SDK1: variants seen among roughly 807,000 people sequenced by gnomAD.
SDK1 encodes protein sidekick-1.
A neutral mutation model predicts 245.5 loss-of-function variants in SDK1; 157 were observed. The observed-to-expected ratio is 0.64, with a 90% CI of 0.56 to 0.73. SDK1 has a LOEUF of 0.73. Among genes scored for constraint, SDK1 ranks in the 30% least tolerant of loss-of-function variants. The pLI, the probability that SDK1 is intolerant of heterozygous loss-of-function variation, is 0.00. For missense variants in SDK1, 3,583 were observed against 3,002.3 expected, an observed-to-expected ratio of 1.19 and a Z score of -4.52; for synonymous variants, 1,647 against 1,278.5, an observed-to-expected ratio of 1.29 and a Z score of -6.15.
intron 1 of SDK1, among the ~76,000 whole-genome samples, chr7:3,466,373 A>G (rs947481758): frequency 6.0e-5 from 9 of 150,738 alleles, no homozygotes; most frequent in African/African-American, 2.2e-4. Flanking sequence ...ACATCAAGCC[A>G]TGCTGGCTCT....
At chr7:3,958,418 C>G in intron 7 of SDK1, 2 of 189,838 alleles carry the variant, frequency 1.1e-5, no homozygotes, top group East Asian at 1.6e-4. Flanking sequence ...TGAGTGCTCC[C>G]TTATATGTTT....
At chr7:4,156,542 A>C (rs1423846730) in intron 30 of SDK1, among the ~76,000 whole-genome samples, 2 of 152,214 alleles carry the variant, frequency 1.3e-5, no homozygotes, top group Non-Finnish European at 2.9e-5. Flanking sequence ...CAGGTTCTGG[A>C]GGGCTGCAGT....
intron 4 of SDK1, among the ~76,000 whole-genome samples, chr7:3,791,541 C>T (rs755016847): frequency 2.0e-5 from 3 of 152,096 alleles, no homozygotes; most frequent in East Asian, 1.9e-4. Flanking sequence ...ATGCGGCTGC[C>T]GATGTGGTTG....
At chr7:3,332,272 G>T (rs1025788643) in intron 1 of SDK1, among the ~76,000 whole-genome samples, 7 of 152,046 alleles carry the variant, frequency 4.6e-5, no homozygotes, top group Non-Finnish European at 1.5e-5. Flanking sequence ...TACAGGGCGT[G>T]GCTTACTTAT....
intron 1 of SDK1, among the ~76,000 whole-genome samples, chr7:3,329,058 T>C (rs1780003939): frequency 6.6e-6 from 1 of 152,204 alleles, no homozygotes; most frequent in Admixed American, 6.5e-5. Context: ...TCCCCTCTCT[T>C]GCTACTGCTA....
intron 4 of SDK1, among the ~76,000 whole-genome samples, chr7:3,807,770 G>A (rs1779287615): frequency 1.3e-5 from 2 of 152,294 alleles, no homozygotes; most frequent in South Asian, 4.1e-4. Context: ...CTGGGAGGCT[G>A]GGTTAGAGTC....
At chr7:4,248,684 GCA>G (rs200890040) in intron 44 of SDK1, among the ~76,000 whole-genome samples, 3,162 of 151,586 alleles carry the variant, frequency 0.021, 62 homozygotes, top group South Asian at 0.11. Context: ...CTGAATACAT[GCA>G]CACACATACA....
chr7:4,181,924 T>A lies in SDK1; in HGVS notation c.5098+3338T>A, dbSNP rs542286501. On this transcript the variant is annotated intron_variant, in intron 35 of 44. Transcript: ENST00000404826. ...GCCTGAAGCACCCTTTATGCATCTT[T>A]TTTTTCTTTTTTTGAGACAGCGTCT... Among the ~76,000 whole-genome samples the A allele has an allele frequency of 7.2e-5, 11 of 152,226 alleles. No individual in the cohort carries two copies. In the South Asian group the frequency reaches 2.3e-3, roughly 32 times the overall value.
chr7:3,400,340 A>C (rs1162672832), intron 1 of SDK1, among the ~76,000 whole-genome samples: 1 of 152,140 alleles, frequency 6.6e-6, no homozygotes, highest in Non-Finnish European at 1.5e-5. Context: ...TTGATTTTGA[A>C]AATTGTGGCA....
At chr7:3,987,108 C>G (rs1167222356) in intron 13 of SDK1, 78 bp from the exon 14 acceptor site, 2 of 1,437,418 alleles carry the variant, frequency 1.4e-6, no homozygotes, top group Non-Finnish European at 1.9e-6. Context: ...GCAGGACGGT[C>G]TGCTGTAAGA....
At chr7:3,559,757 C>CAAA (rs11424233) in intron 1 of SDK1, among the ~76,000 whole-genome samples, 1 of 127,570 alleles carries the variant, frequency 7.8e-6, no homozygotes, top group African/African-American at 2.8e-5. Context: ...TGTATTTTTT[C>CAAA]AAAAAAAAAA....
chr7:3,477,490 C>G (rs1781383325), intron 1 of SDK1, among the ~76,000 whole-genome samples: 1 of 150,772 alleles, frequency 6.6e-6, no homozygotes, highest in African/African-American at 2.4e-5. Context: ...CCCTGCTCGG[C>G]CTATGGTTTT....
chr7:3,983,991 T>C (rs1449033552), intron 13 of SDK1, among the ~76,000 whole-genome samples: 1 of 152,196 alleles, frequency 6.6e-6, no homozygotes, highest in South Asian at 2.1e-4. Flanking sequence ...GCCTCAAGAC[T>C]AGTTTGCTTT....
chr7:3,809,124 G>A (rs548438612), intron 4 of SDK1, among the ~76,000 whole-genome samples: 38 of 152,104 alleles, frequency 2.5e-4, no homozygotes, highest in Non-Finnish European at 5.1e-4. Context: ...TGCACCTGGG[G>A]AGGCCTCAGG....
At chr7:3,577,287 G>A (rs1472522469) in intron 1 of SDK1, among the ~76,000 whole-genome samples, 1 of 152,082 alleles carries the variant, frequency 6.6e-6, no homozygotes, top group African/African-American at 2.4e-5. Context: ...GCAGCGCTCT[G>A]AGATTGGTTC....
chr7:4,139,749 G>C (rs1779442615), intron 28 of SDK1, among the ~76,000 whole-genome samples: 1 of 144,702 alleles, frequency 6.9e-6, no homozygotes, highest in South Asian at 2.2e-4. Context: ...GTGTGTGTGT[G>C]TGTGTGTGTA....
intron 4 of SDK1, among the ~76,000 whole-genome samples, chr7:3,657,495 A>C (rs1783223725): frequency 2.0e-5 from 3 of 152,082 alleles, no homozygotes; most frequent in Admixed American, 2.0e-4. Flanking sequence ...GGTGGTGTGG[A>C]AGGCACACTG....
chr7:3,495,404 G>C (rs1050279826), intron 1 of SDK1, among the ~76,000 whole-genome samples: 1 of 151,788 alleles, frequency 6.6e-6, no homozygotes, highest in Non-Finnish European at 1.5e-5. Flanking sequence ...ATTACAGCCT[G>C]TGTGACGCCA....
At chr7:4,088,545 C>G (rs1470690920) in intron 22 of SDK1, among the ~76,000 whole-genome samples, 1 of 146,084 alleles carries the variant, frequency 6.8e-6, no homozygotes, top group East Asian at 1.9e-4. Flanking sequence ...TCCTGATTTC[C>G]TAGGAGTTGG....
Sources: allele counts gnomAD v4.1 joint callset (sites outside exome capture counted in the v4.1 genomes callset), GRCh38; gene constraint gnomAD v4.1.1; transcripts MANE v1.5; gene names NCBI Gene and HGNC (gene_info 2026-07-23, HGNC 2026-07-21).